Variants in SEMA6D observed in about 807,000 individuals in gnomAD.
SEMA6D encodes semaphorin 6D.
Under a neutral mutation model 106.6 loss-of-function variants are expected in SEMA6D, and 35 were observed. The observed-to-expected ratio is 0.33, with a 90% CI of 0.25 to 0.44. The LOEUF is 0.44. SEMA6D is among the 20% of genes least tolerant of loss of function. The pLI is 1.00. For synonymous variants in SEMA6D, 499 were observed against 487.7 expected, an observed-to-expected ratio of 1.02 and a Z score of -0.31; for missense variants, 1,185 against 1,345.9, an observed-to-expected ratio of 0.88 and a Z score of 1.87.
intron 3 of SEMA6D, among the ~76,000 whole-genome samples, chr15:47,486,588 A>G (rs1317810105): frequency 1.3e-5 from 2 of 152,336 alleles, no homozygotes; most frequent in Non-Finnish European, 1.5e-5. Context: ...CAGACCTACC[A>G]AAGAACTACA....
intron 1 of SEMA6D, among the ~76,000 whole-genome samples, chr15:47,283,869 T>A (rs962939547): frequency 1.3e-5 from 2 of 152,220 alleles, no homozygotes; most frequent in African/African-American, 4.8e-5. Flanking sequence ...GACAGGGTCC[T>A]GATCACATCT....
At chr15:47,184,418 A>G (rs1371740185) in exon 1 of SEMA6D, 1 of 152,330 alleles carries the variant, frequency 6.6e-6, no homozygotes, top group Non-Finnish European at 1.5e-5. Context: ...TCGGCCCCCA[A>G]GTAAGTCTTC....
At chr15:47,198,163 A>G (rs1894487265) in intron 1 of SEMA6D, among the ~76,000 whole-genome samples, 1 of 152,082 alleles carries the variant, frequency 6.6e-6, no homozygotes, top group African/African-American at 2.4e-5. Flanking sequence ...GGAGAGTAGG[A>G]TGGTGGTTAC....
intron 1 of SEMA6D, among the ~76,000 whole-genome samples, chr15:47,188,476 C>G (rs1311745503): frequency 6.6e-6 from 1 of 151,994 alleles, no homozygotes; most frequent in African/African-American, 2.4e-5. Context: ...ACTCTTGATA[C>G]CTAGCTTTTT....
At chr15:47,288,189 T>C (rs1282330030) in intron 1 of SEMA6D, among the ~76,000 whole-genome samples, 2 of 152,188 alleles carry the variant, frequency 1.3e-5, no homozygotes, top group Non-Finnish European at 2.9e-5. Context: ...TCAGACTATA[T>C]TAACAAGTCT....
At chr15:47,276,481 A>G (rs926254388) in intron 1 of SEMA6D, among the ~76,000 whole-genome samples, 1 of 152,144 alleles carries the variant, frequency 6.6e-6, no homozygotes, top group Non-Finnish European at 1.5e-5. Flanking sequence ...AAAAAATCCT[A>G]GGAGTCTTTA....
intron 4 of SEMA6D, among the ~76,000 whole-genome samples, chr15:47,651,990 C>T (rs184273760): frequency 2.0e-5 from 3 of 152,318 alleles, no homozygotes; most frequent in African/African-American, 4.8e-5. Context: ...AAAAAAGGAA[C>T]GTTTCTCTAA....
rs2082247602 is a variant in SEMA6D at position 47,764,789 on chromosome 15, G to A, written c.1249G>A (p.Val417Ile). The change falls in exon 12 of 19, where the codon GTC (valine) becomes ATC (isoleucine). Residue 417 changes from valine (V) to isoleucine (I), a missense_variant. Physicochemically the swap from Val to Ile is conservative, Grantham distance 29. Transcript: ENST00000536845. ...TGAGCCCTGGTTCACAAAGACTCGG[G>A]TCAGGTGAGATTGTGTGTGAAACAC... ...ADEPWFTKTR[V>I]RYRLTAISVD... 1.9e-6 allele frequency: 3 copies of A among 1,613,784 alleles called. No homozygotes were observed. Among genetic ancestry groups the A allele is most frequent in the Admixed American group, 1.7e-5 (1 of 60,004 alleles).
intron 3 of SEMA6D, among the ~76,000 whole-genome samples, chr15:47,559,444 C>T (rs1393442172): frequency 6.6e-6 from 1 of 152,054 alleles, no homozygotes. Flanking sequence ...CTCCCATCTC[C>T]CTCTCAGCTT....
At chr15:47,710,048 G>T (rs1004435466) in intron 4 of SEMA6D, among the ~76,000 whole-genome samples, 8 of 152,124 alleles carry the variant, frequency 5.3e-5, no homozygotes, top group Non-Finnish European at 8.8e-5. Flanking sequence ...ACAAGCAAAA[G>T]CCTAGCCAAT....
chr15:47,433,799 G>A (rs994439542), intron 2 of SEMA6D, among the ~76,000 whole-genome samples: 8 of 151,994 alleles, frequency 5.3e-5, no homozygotes. Context: ...AAGCACAATG[G>A]GGTAAACAGA....
Position 47,593,179 on chromosome 15 carries a change from C to T in SEMA6D, c.-86-7686C>T, listed in dbSNP as rs575555920. Among the ~76,000 whole-genome samples the T allele has an allele frequency of 1.8e-4, 27 of 152,016 alleles. No individual in the cohort carries two copies. In the South Asian group the frequency reaches 4.4e-3, roughly 25 times the overall value. On this transcript the variant is annotated intron_variant, in intron 3 of 19. Coordinates refer to the SEMA6D transcript ENST00000558014. ...CAGCACTTTGGGAAGCCGAGGCGGG[C>T]GGATCACAAGGTCAGGAGATCGAGA...
chr15:47,527,829 C>G (rs1303127875), intron 3 of SEMA6D: 1 of 152,144 alleles, frequency 6.6e-6, no homozygotes, highest in Admixed American at 6.5e-5. Flanking sequence ...TGTTTTTTCA[C>G]ACTCTATAAC....
At position 47,278,994 on chromosome 15, in the gene SEMA6D, C is replaced by A. The variant is rs559049427; in HGVS notation, c.-239+94576C>A. 2.3e-3 allele frequency among the ~76,000 whole-genome samples: 332 copies of A among 142,092 alleles called. 2 individuals are homozygous for A. The highest frequency in any genetic ancestry group is 8.7e-3 in the African/African-American group (322 of 37,108). The allele number at this position is 142,092 out of a possible 152,430, so 93.2% of individuals were successfully genotyped here. ...CTCTATCTCTGTTTTGGCACCAGTA[C>A]CATGCTGTTTTGGTTACTGTAGCCT... On this transcript the variant is annotated intron_variant, in intron 1 of 19. Transcript: ENST00000558014.
chr15:47,723,449 T>A (rs2079541625), intron 1 of SEMA6D, among the ~76,000 whole-genome samples: 1 of 152,186 alleles, frequency 6.6e-6, no homozygotes, highest in Non-Finnish European at 1.5e-5. Flanking sequence ...CAGGTGAAGA[T>A]CCATTACGTA....
intron 4 of SEMA6D, among the ~76,000 whole-genome samples, chr15:47,657,826 C>T (rs377513425): frequency 3.7e-5 from 5 of 136,514 alleles, no homozygotes; most frequent in African/African-American, 1.1e-4. Context: ...CTGCAAGCTC[C>T]GTGTCCCAGG....
chr15:47,587,955 A>G (rs1463129262), intron 3 of SEMA6D, among the ~76,000 whole-genome samples: 2 of 152,140 alleles, frequency 1.3e-5, no homozygotes, highest in South Asian at 2.1e-4. Context: ...GACAGTTGCC[A>G]TCTCTCTGAA....
At chr15:47,622,307 A>G (rs1019398457) in intron 4 of SEMA6D, among the ~76,000 whole-genome samples, 3 of 152,112 alleles carry the variant, frequency 2.0e-5, no homozygotes, top group African/African-American at 7.2e-5. Context: ...ACCAAAGTTC[A>G]GCTTCCTCAA....
chr15:47,691,497 G>A (rs982693922), intron 4 of SEMA6D, among the ~76,000 whole-genome samples: 91 of 152,176 alleles, frequency 6.0e-4, no homozygotes, highest in African/African-American at 2.0e-3. Flanking sequence ...TCCAAGGTTT[G>A]AATCATAGGT....
Sources: allele counts gnomAD v4.1 joint callset (sites outside exome capture counted in the v4.1 genomes callset), GRCh38; gene constraint gnomAD v4.1.1; transcripts MANE v1.5; gene names NCBI Gene and HGNC (gene_info 2026-07-23, HGNC 2026-07-21).